Variants in CDH4 observed in about 807,000 individuals in gnomAD.
The protein encoded by CDH4 is cadherin 4.
In CDH4, 33 loss-of-function variants were observed where a neutral mutation model predicts 86.0. The ratio of observed to expected loss-of-function variants is 0.38; its 90% CI spans 0.29 to 0.51. CDH4 has a LOEUF of 0.51. Ranked by LOEUF, CDH4 falls within the 20% of genes least tolerant of loss-of-function variation. CDH4 has a pLI of 0.86. For synonymous variants in CDH4, 555 were observed against 549.4 expected (o/e 1.01, Z -0.14); for missense variants, 1,114 against 1,307.4 (o/e 0.85, Z 2.28).
At chr20:61,717,245 C>G (rs557973108) in intron 2 of CDH4, among the ~76,000 whole-genome samples, 1 of 152,312 alleles carries the variant, frequency 6.6e-6, no homozygotes, top group East Asian at 1.9e-4. Flanking sequence ...GGGAGCAGCC[C>G]AGGACAGCCA....
rs564912677 is a variant in CDH4 at position 61,844,616 on chromosome 20, G to A, written c.577-52G>A. On this transcript the variant is annotated intron_variant, in intron 4 of 15. Coordinates refer to ENST00000614565, the MANE Select transcript of CDH4 (RefSeq NM_001794.5). ...GGATGAATGTCAGAGATCGGCCCCG[G>A]GCCTCTCCTCACCACAGGATAACCT... is the stretch of plus-strand genomic sequence containing the variant. The A allele has an allele frequency of 1.0e-5, 16 of 1,555,670 alleles. No homozygotes were observed. In the African/African-American group the frequency reaches 2.2e-4, roughly 21 times the overall value.
intron 2 of CDH4, among the ~76,000 whole-genome samples, chr20:61,565,165 TGATGG>T (rs1446015996): frequency 2.8e-4 from 33 of 117,118 alleles, no homozygotes; most frequent in Non-Finnish European, 5.2e-4. Flanking sequence ...GTCCTCTTGG[TGATGG>T]GGTGGTGGTG....
intron 6 of CDH4, among the ~76,000 whole-genome samples, chr20:61,858,945 G>A (rs1243563168): frequency 6.6e-6 from 1 of 152,166 alleles, no homozygotes; most frequent in Non-Finnish European, 1.5e-5. Context: ...CAATTGTGGG[G>A]TCATCTCGGG....
chr20:61,853,441 A>C (rs558520330), intron 6 of CDH4, among the ~76,000 whole-genome samples: 1 of 152,266 alleles, frequency 6.6e-6, no homozygotes, highest in East Asian at 1.9e-4. Flanking sequence ...AGGCGATCCC[A>C]TGTGACTGAG....
At chr20:61,375,439 G>A (rs563723996) in intron 2 of CDH4, among the ~76,000 whole-genome samples, 2 of 151,696 alleles carry the variant, frequency 1.3e-5, no homozygotes, top group Non-Finnish European at 2.9e-5. Flanking sequence ...GGTGGTCTTG[G>A]TGGTGGTAGT....
At chr20:61,892,432 A>G (rs1002095874) in intron 7 of CDH4, among the ~76,000 whole-genome samples, 4 of 152,232 alleles carry the variant, frequency 2.6e-5, no homozygotes, top group South Asian at 2.1e-4. Flanking sequence ...GTTACAGACA[A>G]TGATCAAGGG....
Position 61,810,458 on chromosome 20 carries a change from C to T in CDH4, c.577-34210C>T, listed in dbSNP as rs575051438. Among the ~76,000 whole-genome samples, 1 of 152,244 alleles carries T rather than the reference C, an allele frequency of 6.6e-6. No homozygotes were observed. The highest frequency in any genetic ancestry group is 2.1e-4 in the South Asian group (1 of 4,816). ...CAAGTTCTGACCCGGGTTCTCAGACCCAAGTTCTGACCCACTCTGCTCACC... is the reference window on the plus strand; with the variant it reads ...CAAGTTCTGACCCGGGTTCTCAGACTCAAGTTCTGACCCACTCTGCTCACC... On this transcript the variant is annotated intron_variant, in intron 4 of 15. Coordinates refer to ENST00000614565, the MANE Select transcript of CDH4 (RefSeq NM_001794.5). The surrounding 1 kb of genome is among the most constrained non-coding windows in gnomAD (Gnocchi z 4.3).
chr20:61,275,585 GTACCA>G, intron 2 of CDH4, among the ~76,000 whole-genome samples: 1 of 132,500 alleles, frequency 7.5e-6, no homozygotes, highest in Non-Finnish European at 1.6e-5. Context: ...GTTTGGGGGA[GTACCA>G]TGCGCAGTTT....
intron 2 of CDH4, among the ~76,000 whole-genome samples, chr20:61,581,780 A>G (rs2086430685): frequency 6.6e-6 from 1 of 152,136 alleles, no homozygotes; most frequent in Non-Finnish European, 1.5e-5. Context: ...CAGGACATGG[A>G]CACCTTTAGG....
intron 2 of CDH4, among the ~76,000 whole-genome samples, chr20:61,375,688 A>T (rs1403032684): frequency 1.6e-5 from 2 of 128,304 alleles, no homozygotes; most frequent in South Asian, 5.1e-4. Context: ...TGGTAGTGTG[A>T]TGGTCTTGGT....
chr20:61,656,997 G>GGCCC (rs1470514438), intron 2 of CDH4, among the ~76,000 whole-genome samples: 1 of 152,236 alleles, frequency 6.6e-6, no homozygotes, highest in Middle Eastern at 3.2e-3. Flanking sequence ...GTACAGCTGA[G>GGCCC]GCCCCCAGAG....
chr20:61,585,420 G>T lies in CDH4; in HGVS notation c.170-158143G>T, dbSNP rs1429167747. ...TTGTTAGGGTCCTGTTTTAGGGCAG[G>T]CCTATATTATTTGATGTACAGATAT... On this transcript the variant is annotated intron_variant, in intron 2 of 15. Transcript: ENST00000614565. Among the ~76,000 whole-genome samples, 3 of 152,274 alleles carry T rather than the reference G, an allele frequency of 2.0e-5. No homozygotes were observed. The East Asian group carries it at 5.8e-4, about 29-fold the overall frequency.
At chr20:61,324,789 A>G (rs1267387935) in intron 2 of CDH4, among the ~76,000 whole-genome samples, 2 of 152,216 alleles carry the variant, frequency 1.3e-5, no homozygotes, top group Non-Finnish European at 2.9e-5. Flanking sequence ...GCCCTAAGTC[A>G]TCTTCAAGGC....
chr20:61,343,925 A>T (rs968601083), intron 2 of CDH4, among the ~76,000 whole-genome samples: 6 of 148,026 alleles, frequency 4.1e-5, no homozygotes, highest in East Asian at 2.0e-4. Context: ...GGCCAAGATT[A>T]AAAAAAAAAT....
intron 2 of CDH4, among the ~76,000 whole-genome samples, chr20:61,586,490 G>A (rs189284317): frequency 5.2e-4 from 79 of 152,336 alleles, no homozygotes; most frequent in African/African-American, 1.9e-3. Flanking sequence ...GGGAGTGCCT[G>A]AGGGGGTGTT....
intron 2 of CDH4, among the ~76,000 whole-genome samples, chr20:61,273,319 C>T (rs2084196598): frequency 1.6e-5 from 2 of 124,620 alleles, no homozygotes; most frequent in Non-Finnish European, 1.6e-5. Context: ...GGGGGAATAC[C>T]ATGTGCAGTT....
In CDH4 at chr20:61,501,150, C is replaced by T. The variant is rs945396302; in HGVS notation, c.170-242413C>T. 9.2e-5 allele frequency among the ~76,000 whole-genome samples: 14 copies of T among 152,188 alleles called. No individual in the cohort carries two copies. The highest frequency in any genetic ancestry group is 2.9e-5 in the Non-Finnish European group (2 of 68,042). On this transcript the variant is annotated intron_variant, in intron 2 of 15. Coordinates refer to ENST00000614565, the MANE Select transcript of CDH4 (RefSeq NM_001794.5). The surrounding 1 kb of genome is among the most constrained non-coding windows in gnomAD (Gnocchi z 4.2). Reference sequence around the variant, plus strand: ...TGTAGAGCCCAAAACAGGCCACATCCGCTCCTGCTCTGAGCTACAATAGAC... The same window carrying T: ...TGTAGAGCCCAAAACAGGCCACATCTGCTCCTGCTCTGAGCTACAATAGAC...
intron 4 of CDH4, among the ~76,000 whole-genome samples, chr20:61,823,068 C>T (rs893857856): frequency 2.0e-5 from 3 of 152,120 alleles, no homozygotes; most frequent in East Asian, 1.9e-4. Context: ...GCCACAGTTC[C>T]GGTCCCAAAA....
intron 2 of CDH4, among the ~76,000 whole-genome samples, chr20:61,677,667 G>A (rs2087458256): frequency 6.9e-6 from 1 of 143,958 alleles, no homozygotes; most frequent in African/African-American, 2.5e-5. Flanking sequence ...GTGGGTGGGT[G>A]GGTGGGTGGA....
Sources: gnomAD v4.1 joint callset for allele counts (sites outside exome capture counted in the v4.1 genomes callset) on GRCh38, gnomAD v4.1.1 for gene constraint, Gnocchi (gnomAD v3.1) non-coding constraint, MANE v1.5 for transcripts, NCBI Gene and HGNC (gene_info 2026-07-23, HGNC 2026-07-21) for gene names.